ATRNL1: variants seen among roughly 807,000 people sequenced by gnomAD.
The protein encoded by ATRNL1 is attractin-like protein 1.
Under a neutral mutation model 182.7 loss-of-function variants are expected in ATRNL1, and 95 were observed. The observed-to-expected ratio is 0.52, with a 90% CI of 0.44 to 0.62. The LOEUF (loss-of-function observed/expected upper bound fraction) is 0.62. ATRNL1 is among the 20% of genes least tolerant of loss of function. The pLI, the probability that ATRNL1 is intolerant of heterozygous loss-of-function variation, is 0.00. For missense variants in ATRNL1, 1,471 were observed against 1,679.5 expected (o/e 0.88, Z 2.17); for synonymous variants, 576 against 568.3 (o/e 1.01, Z -0.19).
At chr10:115,731,191 G>A (rs981364262) in intron 27 of ATRNL1, among the ~76,000 whole-genome samples, 1 of 152,166 alleles carries the variant, frequency 6.6e-6, no homozygotes, top group South Asian at 2.1e-4. Flanking sequence ...AGTATTAACC[G>A]TCACAATCAG....
chr10:115,901,644 GTT>G (rs1952354757), intron 28 of ATRNL1, among the ~76,000 whole-genome samples: 1 of 148,348 alleles, frequency 6.7e-6, no homozygotes, highest in African/African-American at 2.5e-5. Flanking sequence ...GAAGATTACA[GTT>G]TAGTTCATTG....
At chr10:115,281,720 G>A (rs1172222409) in intron 14 of ATRNL1, among the ~76,000 whole-genome samples, 7 of 141,998 alleles carry the variant, frequency 4.9e-5, no homozygotes, top group Non-Finnish European at 1.1e-4. Flanking sequence ...GAACTGATTA[G>A]ATACCTTTTC....
chr10:115,359,104 A>G (rs1554943601), intron 19 of ATRNL1, among the ~76,000 whole-genome samples: 1 of 151,642 alleles, frequency 6.6e-6, no homozygotes, highest in African/African-American at 2.4e-5. Context: ...AACTTGTCAT[A>G]ATATCCCCAC....
intron 1 of ATRNL1, among the ~76,000 whole-genome samples, chr10:115,107,623 C>T (rs1844072113): frequency 6.6e-6 from 1 of 152,176 alleles, no homozygotes; most frequent in African/African-American, 2.4e-5. Context: ...GCTCCCATGG[C>T]CCTATTAGGC....
chr10:115,834,549 T>G (rs1487447842), intron 27 of ATRNL1, among the ~76,000 whole-genome samples: 1 of 152,190 alleles, frequency 6.6e-6, no homozygotes, highest in Non-Finnish European at 1.5e-5. Flanking sequence ...TATTGGAATG[T>G]TCCCTTTACC....
chr10:115,458,343 A>G (rs11197221), intron 21 of ATRNL1, among the ~76,000 whole-genome samples: 2,077 of 152,268 alleles, frequency 0.014, 39 homozygotes, highest in African/African-American at 0.048. Flanking sequence ...CAGCTTTAAA[A>G]GGAAACATTT....
intron 21 of ATRNL1, among the ~76,000 whole-genome samples, chr10:115,441,826 C>T (rs1846696089): frequency 6.6e-6 from 1 of 151,878 alleles, no homozygotes; most frequent in African/African-American, 2.4e-5. Context: ...TTCTTTGATT[C>T]CTGATTCCAA....
intron 26 of ATRNL1, among the ~76,000 whole-genome samples, chr10:115,660,453 G>A (rs1424357732): frequency 3.3e-5 from 5 of 152,120 alleles, no homozygotes; most frequent in African/African-American, 1.2e-4. Flanking sequence ...TTATGAGACA[G>A]ATGAGGATTG....
At chr10:115,864,969 G>T (rs1343818594) in intron 28 of ATRNL1, among the ~76,000 whole-genome samples, 1 of 148,506 alleles carries the variant, frequency 6.7e-6, no homozygotes, top group African/African-American at 2.5e-5. Flanking sequence ...GCGACAGAGC[G>T]AGACTCCGTC....
intron 10 of ATRNL1, among the ~76,000 whole-genome samples, chr10:115,264,797 G>A (rs1366287387): frequency 5.3e-5 from 8 of 151,390 alleles, no homozygotes; most frequent in South Asian, 4.1e-4. Flanking sequence ...ATTGACTTTT[G>A]TATGCATACA....
At chr10:115,606,659 A>G (rs1365505099) in intron 26 of ATRNL1, among the ~76,000 whole-genome samples, 2 of 152,010 alleles carry the variant, frequency 1.3e-5, no homozygotes, top group African/African-American at 4.8e-5. Flanking sequence ...TAATGGGGCA[A>G]GGTTATTGAG....
intron 5 of ATRNL1, among the ~76,000 whole-genome samples, chr10:115,137,361 C>T (rs1390176672): frequency 2.0e-5 from 3 of 152,258 alleles, no homozygotes; most frequent in African/African-American, 7.2e-5. Flanking sequence ...TAGCTCAGCA[C>T]ATGGCCTTCC....
intron 24 of ATRNL1, among the ~76,000 whole-genome samples, chr10:115,517,628 C>T (rs1554984187): frequency 1.3e-5 from 2 of 151,712 alleles, no homozygotes; most frequent in African/African-American, 2.4e-5. Context: ...TGTTCAAGGT[C>T]CTTATGCCCC....
At chr10:115,244,119 G>A (rs751476468) in intron 10 of ATRNL1, among the ~76,000 whole-genome samples, 7 of 152,160 alleles carry the variant, frequency 4.6e-5, no homozygotes, top group Non-Finnish European at 7.4e-5. Context: ...AAAGTGTCAT[G>A]TTGCTAGTTT....
At chr10:115,166,524 A>T (rs1469221414) in intron 7 of ATRNL1, among the ~76,000 whole-genome samples, 3 of 151,824 alleles carry the variant, frequency 2.0e-5, no homozygotes, top group East Asian at 1.9e-4. Context: ...CATTTCCACC[A>T]GCAGTGCACA....
At chr10:115,116,858 T>C (rs953421667) in intron 1 of ATRNL1, among the ~76,000 whole-genome samples, 1 of 151,996 alleles carries the variant, frequency 6.6e-6, no homozygotes, top group South Asian at 2.1e-4. Context: ...ATTCAGGGAT[T>C]GTGGTGAGTA....
Position 115,445,705 on chromosome 10 carries a change from C to T in ATRNL1, c.3323-16236C>T, listed in dbSNP as rs192997030. ...TACACAGTTGTGCAACGATCTGCACCATCTAATTTTGGAACATTTTTATCG... is the reference window on the plus strand; with the variant it reads ...TACACAGTTGTGCAACGATCTGCACTATCTAATTTTGGAACATTTTTATCG... On this transcript the variant is annotated intron_variant, in intron 21 of 28. Coordinates refer to ENST00000355044, the MANE Select transcript of ATRNL1 (RefSeq NM_207303.4). Among the ~76,000 whole-genome samples, 321 of 101,786 alleles carry T rather than the reference C, an allele frequency of 3.2e-3. 1 individual carries two copies. Among genetic ancestry groups the T allele is most frequent in the African/African-American group, 0.011 (306 of 26,952 alleles). The allele number at this position is 101,786 out of a possible 152,430, so 66.8% of individuals were successfully genotyped here.
chr10:115,237,233 A>G (rs1474257897), intron 9 of ATRNL1, among the ~76,000 whole-genome samples: 1 of 152,178 alleles, frequency 6.6e-6, no homozygotes, highest in Non-Finnish European at 1.5e-5. Flanking sequence ...TTGTGTGGAC[A>G]TATTTTCAAC....
At chr10:115,588,738 T>A (rs1855728567) in intron 26 of ATRNL1, among the ~76,000 whole-genome samples, 1 of 152,202 alleles carries the variant, frequency 6.6e-6, no homozygotes, top group South Asian at 2.1e-4. Flanking sequence ...TCCCAGTGTG[T>A]ACAAGTCTCT....
Sources: allele counts gnomAD v4.1 joint callset (sites outside exome capture counted in the v4.1 genomes callset), GRCh38; gene constraint gnomAD v4.1.1; transcripts MANE v1.5; gene names NCBI Gene and HGNC (gene_info 2026-07-23, HGNC 2026-07-21).